The following MYOM2 variants were observed in gnomAD, a reference collection of about 807,000 sequenced individuals.
MYOM2 encodes the protein myomesin 2.
Under a neutral mutation model 187.6 loss-of-function variants are expected in MYOM2, and 254 were observed. That is an observed-to-expected ratio of 1.35 (90% CI 1.22 to 1.50). The LOEUF is 1.50. Ranked by LOEUF, MYOM2 falls within the 40% of genes most tolerant of loss-of-function variation. The pLI, the probability that MYOM2 is intolerant of heterozygous loss-of-function variation, is 0.00. For missense variants in MYOM2, 2,796 were observed against 1,924.0 expected, an observed-to-expected ratio of 1.45 and a Z score of -8.48; for synonymous variants, 981 against 753.8, an observed-to-expected ratio of 1.30 and a Z score of -4.94.
chr8:2,086,462 GTGGC>G (rs1796069529), intron 14 of MYOM2, among the ~76,000 whole-genome samples: 1 of 147,862 alleles, frequency 6.8e-6, no homozygotes, highest in African/African-American at 2.6e-5. Flanking sequence ...TGATCTCCAC[GTGGC>G]CACACACTGT....
chr8:2,058,347 G>A (rs753212455), intron 5 of MYOM2, among the ~76,000 whole-genome samples: 1 of 152,070 alleles, frequency 6.6e-6, no homozygotes, highest in Non-Finnish European at 1.5e-5. Context: ...TCACTACCCT[G>A]AAATGATCAT....
intron 25 of MYOM2, among the ~76,000 whole-genome samples, chr8:2,110,083 G>A (rs1273362942): frequency 3.3e-5 from 5 of 152,190 alleles, no homozygotes; most frequent in African/African-American, 1.2e-4. Flanking sequence ...CTCACTTTGG[G>A]AGGCCGAGAT....
intron 10 of MYOM2, among the ~76,000 whole-genome samples, chr8:2,073,885 C>T (rs1420723490): frequency 6.6e-6 from 1 of 152,192 alleles, no homozygotes; most frequent in Non-Finnish European, 1.5e-5. Context: ...CTTCCTTACT[C>T]TCCTGCCAGC....
intron 28 of MYOM2, among the ~76,000 whole-genome samples, chr8:2,121,399 G>A (rs760579323): frequency 2.0e-5 from 3 of 151,912 alleles, no homozygotes; most frequent in Non-Finnish European, 2.9e-5. Context: ...CATCTTAGTG[G>A]GATAGAACCG....
chr8:2,045,599 A>G (rs1467988374), intron 1 of MYOM2, among the ~76,000 whole-genome samples: 1 of 152,258 alleles, frequency 6.6e-6, no homozygotes, highest in Non-Finnish European at 1.5e-5. Context: ...TCTTAAGGGA[A>G]AAAAGAGTCG....
intron 27 of MYOM2, among the ~76,000 whole-genome samples, chr8:2,117,580 C>A (rs1005556081): frequency 6.6e-6 from 1 of 152,206 alleles, no homozygotes; most frequent in African/African-American, 2.4e-5. Flanking sequence ...TTCTGAAGAG[C>A]AATAGATATG....
chr8:2,085,212 G>A (rs1213663065), intron 13 of MYOM2, 51 bp from the exon 14 acceptor site: 2 of 1,594,098 alleles, frequency 1.3e-6, no homozygotes, highest in South Asian at 1.1e-5. Flanking sequence ...GTGGGCTGCA[G>A]CGAGGCTGAT....
chr8:2,120,930 T>G (rs567825555), intron 28 of MYOM2, among the ~76,000 whole-genome samples: 1 of 151,668 alleles, frequency 6.6e-6, no homozygotes, highest in Non-Finnish European at 1.5e-5. Context: ...AGTGAATTTC[T>G]TGCACTAGTG....
Position 2,145,133 on chromosome 8 carries a change from A to G in MYOM2, c.*152A>G. On this transcript the variant is annotated 3_prime_UTR_variant, in exon 37 of 37. Transcript: ENST00000262113. ...GTGCTTTTGATTTTTGCATTTGGTGATGAATATTTTATACCCGTCTAAGGG... is the reference window on the plus strand; with the variant it reads ...GTGCTTTTGATTTTTGCATTTGGTGGTGAATATTTTATACCCGTCTAAGGG... The G allele has an allele frequency of 2.4e-6, 2 of 824,176 alleles. No homozygotes were observed. The highest frequency in any genetic ancestry group is 3.8e-6 in the Non-Finnish European group (2 of 530,380). The allele number at this position is 824,176 out of a possible 1,614,324, so 51.1% of individuals were successfully genotyped here.
chr8:2,083,779 A>G (rs1003432306), intron 13 of MYOM2, among the ~76,000 whole-genome samples: 3 of 152,218 alleles, frequency 2.0e-5, no homozygotes, highest in African/African-American at 7.2e-5. Context: ...CACATTGCCC[A>G]GGCTGATGAA....
At chr8:2,130,979 A>G (rs1223193469) in intron 32 of MYOM2, among the ~76,000 whole-genome samples, 1 of 152,126 alleles carries the variant, frequency 6.6e-6, no homozygotes, top group Non-Finnish European at 1.5e-5. Context: ...AGTTGTACAC[A>G]CTTGCAATGT....
At chr8:2,111,263 T>C (rs1797059765) in intron 25 of MYOM2, among the ~76,000 whole-genome samples, 1 of 152,244 alleles carries the variant, frequency 6.6e-6, no homozygotes, top group South Asian at 2.1e-4. Flanking sequence ...AGATTGATGC[T>C]ATTTTGTGGA....
At chr8:2,071,256 A>C (rs1279872898) in intron 8 of MYOM2, among the ~76,000 whole-genome samples, 1 of 152,068 alleles carries the variant, frequency 6.6e-6, no homozygotes, top group Non-Finnish European at 1.5e-5. Flanking sequence ...TGGCCTCCCA[A>C]AGTGCTGGGA....
chr8:2,132,643 G>T (rs1253882314), intron 32 of MYOM2, among the ~76,000 whole-genome samples: 2 of 152,126 alleles, frequency 1.3e-5, no homozygotes, highest in Non-Finnish European at 2.9e-5. Flanking sequence ...CTGGAGAGCA[G>T]TGGTGCCATT....
chr8:2,139,867 A>AC (rs1798215267), intron 32 of MYOM2, among the ~76,000 whole-genome samples: 1 of 152,216 alleles, frequency 6.6e-6, no homozygotes, highest in Admixed American at 6.5e-5. Context: ...AGAAGGCGGG[A>AC]ATGTATGAGC....
At chr8:2,098,411 G>T (rs984270344) in intron 18 of MYOM2, among the ~76,000 whole-genome samples, 2 of 152,180 alleles carry the variant, frequency 1.3e-5, no homozygotes, top group African/African-American at 4.8e-5. Context: ...AAGTATGGGG[G>T]ACGTGGTGGG....
chr8:2,105,987 A>G (rs1407453253), intron 21 of MYOM2, among the ~76,000 whole-genome samples: 2 of 152,192 alleles, frequency 1.3e-5, no homozygotes, highest in Non-Finnish European at 2.9e-5. Flanking sequence ...GGCAGGACAG[A>G]GTGAGTGCCA....
At position 2,100,792 on chromosome 8, in the gene MYOM2, C is replaced by G. The variant is rs1796679817; in HGVS notation, c.2441-84C>G. 4 of 1,368,798 alleles carry G rather than the reference C, an allele frequency of 2.9e-6. No individual in the cohort carries two copies. In the Admixed American group the frequency reaches 5.7e-5, roughly 19 times the overall value. The allele number at this position is 1,368,798 out of a possible 1,614,324, so 84.8% of individuals were successfully genotyped here. A position where few individuals can be genotyped will look rare whatever the true frequency, so the allele number is the denominator to read the frequency against. On this transcript the variant is annotated intron_variant, in intron 19 of 36. Coordinates refer to ENST00000262113, the MANE Select transcript of MYOM2 (RefSeq NM_003970.4). The stretch of plus-strand genomic sequence containing the variant: ...CCTGGTGGGGGGCTTCCCAGAGGAG[C>G]AGTGGGTCCCCGGGGCTGGGTTGGG...
intron 2 of MYOM2, among the ~76,000 whole-genome samples, chr8:2,051,613 G>T (rs1448605238): frequency 1.3e-5 from 2 of 152,206 alleles, no homozygotes; most frequent in Admixed American, 1.3e-4. Context: ...AACATTTGCA[G>T]CCCCTCCCAG....
Sources: gnomAD v4.1 joint callset for allele counts (sites outside exome capture counted in the v4.1 genomes callset) on GRCh38, gnomAD v4.1.1 for gene constraint, MANE v1.5 for transcripts, NCBI Gene and HGNC (gene_info 2026-07-23, HGNC 2026-07-21) for gene names.